The following ST14 variants were observed in gnomAD, a reference collection of about 807,000 sequenced individuals.
The protein encoded by ST14 is suppressor of tumorigenicity 14 protein.
In ST14, 40 loss-of-function variants were observed where a neutral mutation model predicts 96.5. The ratio of observed to expected loss-of-function variants is 0.41; its 90% CI spans 0.32 to 0.54. The LOEUF (loss-of-function observed/expected upper bound fraction) is 0.54, where lower values mean the gene tolerates loss of function less well. Among genes scored for constraint, ST14 ranks in the 20% least tolerant of loss-of-function variants. The pLI, the probability that ST14 is intolerant of heterozygous loss-of-function variation, is 0.17. For missense variants in ST14, 1,066 were observed against 1,188.9 expected (o/e 0.90, Z 1.52); for synonymous variants, 506 against 492.1 (o/e 1.03, Z -0.37).
At chr11:130,204,088 C>A (rs1953461517) in intron 16 of ST14, among the ~76,000 whole-genome samples, 2 of 152,228 alleles carry the variant, frequency 1.3e-5, no homozygotes, top group Non-Finnish European at 2.9e-5. Flanking sequence ...CCACAGCTTT[C>A]TACCCAGTCC....
At chr11:130,191,558 C>G (rs745587005) in intron 7 of ST14, among the ~76,000 whole-genome samples, 1 of 151,932 alleles carries the variant, frequency 6.6e-6, no homozygotes, top group Non-Finnish European at 1.5e-5. Context: ...GGTGTGGTGG[C>G]GGGCGCCTGT....
intron 1 of ST14, among the ~76,000 whole-genome samples, chr11:130,177,885 CTG>C (rs1953155973): frequency 6.6e-6 from 1 of 152,268 alleles, no homozygotes; most frequent in Non-Finnish European, 1.5e-5. Context: ...AGTAAGCTGA[CTG>C]TGCCAATTCT....
chr11:130,182,731 T>C lies in ST14; in HGVS notation c.82-5383T>C, dbSNP rs532389456. The stretch of plus-strand genomic sequence containing the variant: ...GTGGTGTGATCTCGGCTCACTGCAA[T>C]CTCCGCCTCCCAGGTTCAAGCAACT... On this transcript the variant is annotated intron_variant, in intron 1 of 18. Coordinates refer to ENST00000278742, the MANE Select transcript of ST14 (RefSeq NM_021978.4). 4.5e-4 allele frequency among the ~76,000 whole-genome samples: 68 copies of C among 149,552 alleles called. No homozygotes were observed. The South Asian group carries it at 1.0e-2, about 22-fold the overall frequency.
chr11:130,190,276 C>A, intron 6 of ST14, 128 bp downstream of exon 6: 2 of 1,476,084 alleles, frequency 1.4e-6, no homozygotes, highest in Non-Finnish European at 1.9e-6. Flanking sequence ...TCTTTCCAGG[C>A]CCTTCCTCTT....
At chr11:130,203,196 TG>T (rs1390308240) in intron 16 of ST14, among the ~76,000 whole-genome samples, 1 of 152,024 alleles carries the variant, frequency 6.6e-6, no homozygotes, top group Non-Finnish European at 1.5e-5. Flanking sequence ...AAGAGCTGGA[TG>T]GGGGTGTCCA....
chr11:130,209,605 G>A (rs751187785), intron 18 of ST14, 27 bp downstream of exon 18: 9 of 1,589,790 alleles, frequency 5.7e-6, no homozygotes, highest in Non-Finnish European at 7.7e-6. Flanking sequence ...GAGGGCGGCA[G>A]GTGGGCCCCG....
intron 12 of ST14, 27 bp from the exon 13 acceptor site, chr11:130,198,281 G>A (rs374541262): frequency 3.3e-5 from 53 of 1,607,566 alleles, no homozygotes; most frequent in Middle Eastern, 1.6e-4. Context: ...AGGGCCTCAC[G>A]GCCGACCTCC....
At position 130,187,700 on chromosome 11, in the gene ST14, G is replaced by T. The variant is rs890048089; in HGVS notation, c.82-414G>T. Among the ~76,000 whole-genome samples, 1 of 152,128 alleles carries T rather than the reference G, an allele frequency of 6.6e-6. No homozygotes were observed. The highest frequency in any genetic ancestry group is 1.5e-5 in the Non-Finnish European group (1 of 68,026). On this transcript the variant is annotated intron_variant, in intron 1 of 18. Coordinates refer to ENST00000278742, the MANE Select transcript of ST14 (RefSeq NM_021978.4). The surrounding 1 kb of genome is among the most constrained non-coding windows in gnomAD (Gnocchi z 4.5). ...CCTGCTCCTAGAAGTCTGCACAGGGGTACCAGTTGCCAGTCATGGGCCTGG... is the reference window on the plus strand; with the variant it reads ...CCTGCTCCTAGAAGTCTGCACAGGGTTACCAGTTGCCAGTCATGGGCCTGG...
chr11:130,160,038 T>A lies in ST14; in HGVS notation c.59T>A (p.Leu20His), dbSNP rs748673581. The part of the protein sequence containing the change: ...GGGPKDFGAG[L>H]KYNSRHEKVN... ...GGCCCGAAGGACTTCGGCGCGGGAC[T>A]CAAGTACAACTCCCGGCACGAGGTG... The change falls in exon 1 of 19, where the codon CTC becomes CAC. Residue 20 changes from leucine to histidine, a missense_variant. By Grantham distance (99) the Leu-to-His change is moderately conservative. Coordinates refer to ENST00000278742, the MANE Select transcript of ST14 (RefSeq NM_021978.4). 11 of 1,436,692 alleles carry A rather than the reference T, an allele frequency of 7.7e-6. No homozygotes were observed. The highest frequency in any genetic ancestry group is 1.5e-5 in the African/African-American group (1 of 67,170). 89.0% of individuals were successfully genotyped at this position (1,436,692 alleles called of 1,614,324 possible).
chr11:130,201,980 G>A (rs772413576), intron 16 of ST14, among the ~76,000 whole-genome samples: 3 of 152,140 alleles, frequency 2.0e-5, no homozygotes, highest in Non-Finnish European at 4.4e-5. Flanking sequence ...AGGTACAATA[G>A]GCTCATCTTA....
At chr11:130,205,481 C>A (rs563016207) in intron 16 of ST14, among the ~76,000 whole-genome samples, 8 of 152,256 alleles carry the variant, frequency 5.3e-5, no homozygotes, top group African/African-American at 1.4e-4. Flanking sequence ...GAGTTAATCA[C>A]GTTTGCTTTC....
rs774362833 is a variant in ST14 at position 130,208,396 on chromosome 11, G to A, written c.1995-14G>A. 1 of 1,613,926 alleles carries A rather than the reference G, an allele frequency of 6.2e-7. No individual in the cohort carries two copies. Among genetic ancestry groups the A allele is most frequent in the Non-Finnish European group, 8.5e-7 (1 of 1,180,012 alleles). On this transcript the variant is annotated splice_polypyrimidine_tract_variant and intron_variant, in intron 16 of 18. Transcript: ENST00000278742. ...CGAGTGACCGCGCAGTCTCATAGCG[G>A]CTCTCCCTACCAGGTACTCAGACCC...
chr11:130,160,099 C>CA, intron 1 of ST14, 39 bp downstream of exon 1: 1 of 1,352,256 alleles, frequency 7.4e-7, no homozygotes, highest in African/African-American at 1.5e-5. Context: ...TGGGAAGCTC[C>CA]TGCCCGCCCG....
At chr11:130,199,826 C>A in intron 15 of ST14, 125 bp from the exon 16 acceptor site, 2 of 1,167,168 alleles carry the variant, frequency 1.7e-6, no homozygotes, top group South Asian at 1.3e-5. Flanking sequence ...GCCACGCCAG[C>A]AGTGCTGTGC....
chr11:130,189,013 G>C (rs1026264209), intron 4 of ST14, 74 bp downstream of exon 4: 4 of 1,484,766 alleles, frequency 2.7e-6, no homozygotes, highest in Middle Eastern at 1.7e-4. Flanking sequence ...CAGTGTGTGG[G>C]GCAGGAAGCG....
chr11:130,189,582 TG>T, intron 4 of ST14, 156 bp from the exon 5 acceptor site: 1 of 930,764 alleles, frequency 1.1e-6, no homozygotes, highest in Non-Finnish European at 1.6e-6. Context: ...TGCTTTGGGG[TG>T]GAAAGAGGGA....
rs1953535557 is a variant in ST14, at chr11:130,210,000, C to T, written c.*177C>T. On this transcript the variant is annotated 3_prime_UTR_variant, in exon 19 of 19. Transcript: ENST00000278742. ...AGAAAACCTCTCGCTTCCTCAGCCT[C>T]CAAAGTGGAGCTGGGAGGTAGAAGG... The T allele has an allele frequency of 3.9e-6, 3 of 775,484 alleles. No individual in the cohort carries two copies. Among genetic ancestry groups the T allele is most frequent in the Non-Finnish European group, 6.1e-6 (3 of 495,282 alleles). The allele number at this position is 775,484 out of a possible 1,614,324, so 48.0% of individuals were successfully genotyped here. A position where few individuals can be genotyped will look rare whatever the true frequency, so the allele number is the denominator to read the frequency against.
intron 1 of ST14, among the ~76,000 whole-genome samples, chr11:130,163,927 G>T (rs770916798): frequency 6.6e-6 from 1 of 152,170 alleles, no homozygotes; most frequent in Non-Finnish European, 1.5e-5. Context: ...GAAGGAGAAC[G>T]AGTCACAGCT....
rs1456095298 is a variant in ST14 at position 130,209,846 on chromosome 11, TAC to T, written c.*26_*27del. On this transcript the variant is annotated 3_prime_UTR_variant, in exon 19 of 19. Transcript: ENST00000278742. ...TAGGGGCCGGGGCCACCCAAATGTGTACACCTGCGGGGCCACCCATCGTCCAC... is the reference window on the plus strand; with the variant it reads ...TAGGGGCCGGGGCCACCCAAATGTGTACCTGCGGGGCCACCCATCGTCCAC... 1.2e-6 allele frequency: 2 copies of T among 1,611,422 alleles called. No individual in the cohort carries two copies. The highest frequency in any genetic ancestry group is 2.2e-5 in the South Asian group (2 of 91,066).
Sources: allele counts gnomAD v4.1 joint callset (sites outside exome capture counted in the v4.1 genomes callset), GRCh38; gene constraint gnomAD v4.1.1; non-coding constraint Gnocchi (gnomAD v3.1); transcripts MANE v1.5; gene names NCBI Gene and HGNC (gene_info 2026-07-23, HGNC 2026-07-21).